The following CSMD1 variants were observed in gnomAD, a reference collection of about 807,000 sequenced individuals.
CSMD1 encodes CUB and Sushi multiple domains 1.
A neutral mutation model predicts 417.5 loss-of-function variants in CSMD1; 213 were observed. The observed-to-expected ratio is 0.51, with a 90% CI of 0.46 to 0.57. The LOEUF is 0.57. Ranked by LOEUF, CSMD1 falls within the 20% of genes least tolerant of loss-of-function variation. The pLI, the probability that CSMD1 is intolerant of heterozygous loss-of-function variation, is 0.00. For synonymous variants in CSMD1, 2,862 were observed against 1,736.8 expected (o/e 1.65, Z -16.11); for missense variants, 6,923 against 4,529.7 (o/e 1.53, Z -15.17).
intron 10 of CSMD1, among the ~76,000 whole-genome samples, chr8:3,567,996 C>G (rs1472155766): frequency 6.6e-6 from 1 of 152,152 alleles, no homozygotes; most frequent in Non-Finnish European, 1.5e-5. Context: ...GGGAATTCAT[C>G]TGATGCCTTA....
chr8:4,261,454 T>G (rs368978970), intron 3 of CSMD1, among the ~76,000 whole-genome samples: 1 of 152,210 alleles, frequency 6.6e-6, no homozygotes, highest in Non-Finnish European at 1.5e-5. Context: ...AAACTTCCAG[T>G]TCGAAGATGC....
intron 1 of CSMD1, among the ~76,000 whole-genome samples, chr8:4,947,055 A>G (rs1808417337): frequency 6.6e-6 from 1 of 152,220 alleles, no homozygotes; most frequent in South Asian, 2.1e-4. Context: ...ATTGTTGCAA[A>G]TGCTACAGAA....
At position 3,091,731 on chromosome 8, in the gene CSMD1, G is replaced by C. The variant is rs60806908; in HGVS notation, c.7139-69C>G. The C allele has an allele frequency of 0.01, 14,863 of 1,430,536 alleles. 1,269 individuals carry two copies. The African/African-American group carries it at 0.18, about 18-fold the overall frequency. The allele number at this position is 1,430,536 out of a possible 1,614,324, so 88.6% of individuals were successfully genotyped here. ...ACCTACCAAATGCATACTAGGTTTA[G>C]CTTTTGATTACACTGGAGTCTACGT... On this transcript the variant is annotated intron_variant, in intron 47 of 69. Transcript: ENST00000635120.
intron 5 of CSMD1, among the ~76,000 whole-genome samples, chr8:3,992,030 G>A (rs1401755791): frequency 1.3e-5 from 2 of 151,724 alleles, no homozygotes; most frequent in African/African-American, 2.4e-5. Flanking sequence ...TTAAAGCAGG[G>A]GTTTATGAAT....
intron 5 of CSMD1, among the ~76,000 whole-genome samples, chr8:3,835,558 G>C (rs952234427): frequency 4.6e-5 from 7 of 152,024 alleles, no homozygotes; most frequent in African/African-American, 1.7e-4. Flanking sequence ...TCGCACCTCA[G>C]GGACTGTTGT....
intron 18 of CSMD1, among the ~76,000 whole-genome samples, chr8:3,372,161 C>T (rs759815251): frequency 4.0e-5 from 6 of 151,846 alleles, no homozygotes; most frequent in Non-Finnish European, 7.4e-5. Context: ...CCAGCGGTGC[C>T]GTACTTAGGA....
At chr8:4,105,152 T>C (rs749690810) in intron 3 of CSMD1, among the ~76,000 whole-genome samples, 107 of 152,140 alleles carry the variant, frequency 7.0e-4, no homozygotes, top group Non-Finnish European at 1.4e-3. Flanking sequence ...AACGTACAAC[T>C]GAAAATTAGA....
At chr8:3,622,914 G>C (rs916696519) in intron 7 of CSMD1, among the ~76,000 whole-genome samples, 4 of 152,296 alleles carry the variant, frequency 2.6e-5, no homozygotes, top group African/African-American at 9.6e-5. Flanking sequence ...TTTTCAAAGA[G>C]AGGAATTACT....
rs554264784 is a variant in CSMD1, at chr8:3,644,947, G to T, written c.1010-28150C>A. ...TTTCCCTGGAAATTCCAGGGTTACG[G>T]ATCACTAAGGCTTTAAATGAAAAAA... On this transcript the variant is annotated intron_variant, in intron 7 of 69. Transcript: ENST00000635120. Among the ~76,000 whole-genome samples the T allele has an allele frequency of 4.3e-4, 53 of 122,874 alleles. 1 individual carries two copies. The highest frequency in any genetic ancestry group is 1.1e-3 in the African/African-American group (30 of 27,668). 80.6% of individuals were successfully genotyped at this position (122,874 alleles called of 152,430 possible). A position where few individuals can be genotyped will look rare whatever the true frequency, so the allele number is the denominator to read the frequency against.
At chr8:3,460,607 T>A (rs1313872621) in intron 12 of CSMD1, among the ~76,000 whole-genome samples, 1 of 151,884 alleles carries the variant, frequency 6.6e-6, no homozygotes, top group Non-Finnish European at 1.5e-5. Context: ...GGTAAGAGAA[T>A]GAAGATAAAC....
chr8:3,657,961 A>C (rs759175357), intron 7 of CSMD1, among the ~76,000 whole-genome samples: 9 of 152,154 alleles, frequency 5.9e-5, no homozygotes, highest in Non-Finnish European at 1.3e-4. Context: ...TTGTTGATTA[A>C]TGGTAAATAC....
chr8:3,592,687 CACATCCGTGTGTGT>C, intron 8 of CSMD1, among the ~76,000 whole-genome samples: 1 of 134,686 alleles, frequency 7.4e-6, no homozygotes, highest in East Asian at 2.0e-4. Flanking sequence ...TGTGTGTGTG[CACATCCGTGTGTGT>C]GTGTGTGTGA....
chr8:4,705,068 C>T (rs1205058915), intron 1 of CSMD1, among the ~76,000 whole-genome samples: 1 of 152,106 alleles, frequency 6.6e-6, no homozygotes, highest in Non-Finnish European at 1.5e-5. Flanking sequence ...GGTGAGTTCT[C>T]ATCAGATATG....
intron 10 of CSMD1, among the ~76,000 whole-genome samples, chr8:3,514,048 C>G (rs895106898): frequency 6.6e-6 from 1 of 152,158 alleles, no homozygotes; most frequent in African/African-American, 2.4e-5. Context: ...ACACAGTTCT[C>G]TTAGGAACAC....
chr8:4,637,279 C>A (rs1396214667), intron 2 of CSMD1, 63 bp downstream of exon 2: 4 of 1,357,502 alleles, frequency 2.9e-6, no homozygotes, highest in Middle Eastern at 2.0e-4. Flanking sequence ...AATATTCCAA[C>A]TAGATTTCAT....
intron 7 of CSMD1, among the ~76,000 whole-genome samples, chr8:3,630,512 A>G (rs565500458): frequency 1.3e-5 from 2 of 152,186 alleles, no homozygotes; most frequent in Non-Finnish European, 2.9e-5. Flanking sequence ...TATATGTTAA[A>G]CAGTTCATCG....
At chr8:4,366,373 T>C (rs750272794) in intron 3 of CSMD1, among the ~76,000 whole-genome samples, 9 of 152,186 alleles carry the variant, frequency 5.9e-5, no homozygotes, top group Admixed American at 3.3e-4. Flanking sequence ...CCATTGAGAA[T>C]AGCACTGCAA....
chr8:4,339,723 C>T (rs374754047), intron 3 of CSMD1, among the ~76,000 whole-genome samples: 12 of 152,008 alleles, frequency 7.9e-5, no homozygotes, highest in Middle Eastern at 3.4e-3. Context: ...TGAAAGAGGA[C>T]GGTATACGAA....
chr8:3,558,163 T>A (rs1825178), intron 10 of CSMD1, among the ~76,000 whole-genome samples: 2 of 144,620 alleles, frequency 1.4e-5, no homozygotes, highest in African/African-American at 2.5e-5. Flanking sequence ...GGTGCCTCAA[T>A]AGCACCCCGT....
Sources: allele counts gnomAD v4.1 joint callset (sites outside exome capture counted in the v4.1 genomes callset), GRCh38; gene constraint gnomAD v4.1.1; transcripts MANE v1.5; gene names NCBI Gene and HGNC (gene_info 2026-07-23, HGNC 2026-07-21).